Variants in SLC12A9 observed in about 807,000 individuals in gnomAD.
SLC12A9 encodes the protein solute carrier family 12 member 9.
A neutral mutation model predicts 66.0 loss-of-function variants in SLC12A9; 55 were observed. The ratio of observed to expected loss-of-function variants is 0.83; its 90% confidence interval spans 0.67 to 1.04. The LOEUF (loss-of-function observed/expected upper bound fraction) is 1.04. Ranked by LOEUF, SLC12A9 falls within the 50% of genes least tolerant of loss-of-function variation. The pLI is 0.00. For missense variants in SLC12A9, 1,061 were observed against 1,241.9 expected, an observed-to-expected ratio of 0.85 and a Z score of 2.19; for synonymous variants, 577 against 569.0, an observed-to-expected ratio of 1.01 and a Z score of -0.20.
At chr7:100,850,914 A>G (rs1195015384), upstream of SLC12A9, among the ~76,000 whole-genome samples, 2 of 151,896 alleles carry the variant, frequency 1.3e-5, no homozygotes, top group Admixed American at 6.6e-5. Flanking sequence ...GAGATGGGGT[A>G]TCACCATGTT....
rs1455951659 is a variant in SLC12A9, at chr7:100,866,654, T to C, written c.*49T>C. 5.5e-6 allele frequency: 8 copies of C among 1,443,414 alleles called. No homozygotes were observed. Among genetic ancestry groups the C allele is most frequent in the Non-Finnish European group, 7.3e-6 (8 of 1,094,762 alleles). The allele number at this position is 1,443,414 out of a possible 1,614,324, so 89.4% of individuals were successfully genotyped here. On this transcript the variant is annotated 3_prime_UTR_variant, in exon 14 of 14. Coordinates refer to ENST00000354161, the MANE Select transcript of SLC12A9 (RefSeq NM_020246.4). This position sits in a 1 kb window ranked among gnomAD's most constrained non-coding sequence, Gnocchi z 7.3. ...AGAGAGGGCCCAGGCAGGCGGCCTA[T>C]CCTGATCCTTGGAGGAGGAGGAAGA...
At chr7:100,828,451 A>C (rs945276451) in intron 1 of SLC12A9, among the ~76,000 whole-genome samples, 1 of 146,534 alleles carries the variant, frequency 6.8e-6, no homozygotes, top group African/African-American at 2.5e-5. Flanking sequence ...AGGCAGGAGA[A>C]TTGCTTGAAC....
chr7:100,826,959 C>T, exon 1 of SLC12A9: 8 of 1,536,544 alleles, frequency 5.2e-6, no homozygotes, highest in African/African-American at 1.4e-5. Context: ...GGGTGCGCCC[C>T]CCCCCGCAAG....
intron 4 of SLC12A9, 22 bp from the exon 5 acceptor site, chr7:100,856,846 C>G (rs1282918049): frequency 6.4e-7 from 1 of 1,556,706 alleles, no homozygotes; most frequent in Middle Eastern, 1.7e-4. Context: ...GGCCTTCTAA[C>G]TCTGTCCCTA....
At chr7:100,832,398 C>G (rs1465614074) in intron 1 of SLC12A9, among the ~76,000 whole-genome samples, 2 of 151,912 alleles carry the variant, frequency 1.3e-5, no homozygotes, top group African/African-American at 4.8e-5. Flanking sequence ...TATGGTCTCT[C>G]AGACACTGGG....
intron 2 of SLC12A9, 91 bp from the exon 3 acceptor site, chr7:100,854,529 A>G (rs1286802634): frequency 6.3e-7 from 1 of 1,599,056 alleles, no homozygotes; most frequent in African/African-American, 1.3e-5. Context: ...GTGGGCTTGC[A>G]TTTAGCTCCA....
chr7:100,835,254 C>G (rs1297630454), intron 1 of SLC12A9, among the ~76,000 whole-genome samples: 1 of 151,140 alleles, frequency 6.6e-6, no homozygotes, highest in Non-Finnish European at 1.5e-5. Context: ...ACTTGGGAGG[C>G]TGAGGCAGGA....
intron 1 of SLC12A9, among the ~76,000 whole-genome samples, chr7:100,841,905 T>A (rs314329): frequency 0.5 from 76,519 of 151,962 alleles, 19,778 homozygotes; most frequent in East Asian, 0.81. Context: ...CAAAAAGACA[T>A]TTTCTTAAAA....
At chr7:100,857,424 C>T in intron 5 of SLC12A9, 1 of 559,438 alleles carries the variant, frequency 1.8e-6, no homozygotes, top group Non-Finnish European at 3.2e-6. Flanking sequence ...GACATGCATT[C>T]AGGAATCAGT....
At position 100,845,728 on chromosome 7, in the gene SLC12A9, C is replaced by T. The variant is rs540943264; in HGVS notation, n.229-14157C>T. Among the ~76,000 whole-genome samples, 9 of 152,216 alleles carry T rather than the reference C, an allele frequency of 5.9e-5. No individual in the cohort carries two copies. In the South Asian group the frequency reaches 6.2e-4, roughly 11 times the overall value. On this transcript the variant is annotated intron_variant and non_coding_transcript_variant, in intron 1 of 1. Transcript: ENST00000461016. ...CCTAGGCTTCCCTGTCTATGCTTCC[C>T]GTGAAAAGAGAAGCATAGCCATAGG...
chr7:100,830,078 G>A (rs1562978392), intron 1 of SLC12A9, among the ~76,000 whole-genome samples: 2 of 149,614 alleles, frequency 1.3e-5, no homozygotes, highest in South Asian at 2.1e-4. Flanking sequence ...TAGGCTGGGC[G>A]CAGTGGCTCA....
At chr7:100,836,133 GC>G (rs955168947) in intron 1 of SLC12A9, among the ~76,000 whole-genome samples, 25 of 152,318 alleles carry the variant, frequency 1.6e-4, no homozygotes, top group African/African-American at 6.0e-4. Flanking sequence ...CTGCACTGTG[GC>G]CCTTCCCTGA....
chr7:100,863,403 T>C lies in SLC12A9; in HGVS notation c.1858+576T>C, dbSNP rs142241624. On this transcript the variant is annotated intron_variant, in intron 13 of 13. Transcript: ENST00000354161. ...TTTTTCTGATCCAAAAATTGGGGCA[T>C]AGGCACTGAAGAGTGTATTTTTGGA... is the stretch of plus-strand genomic sequence containing the variant. Among the ~76,000 whole-genome samples, 157 of 152,050 alleles carry C rather than the reference T, an allele frequency of 1.0e-3. No individual in the cohort carries two copies. The East Asian group carries it at 0.024, about 23-fold the overall frequency.
intron 13 of SLC12A9, among the ~76,000 whole-genome samples, chr7:100,864,853 C>T (rs1814980793): frequency 6.6e-6 from 1 of 152,170 alleles, no homozygotes; most frequent in South Asian, 2.1e-4. Context: ...CAGGACATAG[C>T]CCCTGGTAAG....
At chr7:100,841,984 AC>A (rs1362838327) in intron 1 of SLC12A9, among the ~76,000 whole-genome samples, 13 of 151,956 alleles carry the variant, frequency 8.6e-5, no homozygotes, top group African/African-American at 3.1e-4. Context: ...CACATGTACC[AC>A]CCCTAGAATT....
chr7:100,842,424 C>G (rs1813808354), intron 1 of SLC12A9, among the ~76,000 whole-genome samples: 1 of 152,168 alleles, frequency 6.6e-6, no homozygotes, highest in South Asian at 2.1e-4. Flanking sequence ...TCTCCTGACT[C>G]TCCTCAGACT....
At chr7:100,852,150 G>A (rs1814109111), upstream of SLC12A9, among the ~76,000 whole-genome samples, 2 of 152,236 alleles carry the variant, frequency 1.3e-5, no homozygotes, top group Non-Finnish European at 2.9e-5. Context: ...AGGCAAGAAA[G>A]CGGGCATCAG....
rs748414142 is a variant in SLC12A9, at chr7:100,860,278, G to T, written c.1218+46G>T. 2.8e-5 allele frequency: 45 copies of T among 1,582,936 alleles called. 1 individual carries two copies. In the Middle Eastern group the frequency reaches 5.0e-4, roughly 18 times the overall value. ...GGCCCTTTCCCTCACCCCACCAGCT[G>T]GCAGGATGGGGGTGCAGTTAGATGC... is the stretch of plus-strand genomic sequence containing the variant. On this transcript the variant is annotated intron_variant, in intron 9 of 13. Coordinates refer to ENST00000354161, the MANE Select transcript of SLC12A9 (RefSeq NM_020246.4).
rs923459745 is a variant in SLC12A9, at chr7:100,861,951, C to T, written c.1711+40C>T. The stretch of plus-strand genomic sequence containing the variant: ...CACTCACTCACTCACTCCCATCCTT[C>T]TCTCCCCCTACCTTTTTTTTTTTTT... On this transcript the variant is annotated intron_variant, in intron 12 of 13. Coordinates refer to ENST00000354161, the MANE Select transcript of SLC12A9 (RefSeq NM_020246.4). The surrounding 1 kb of genome is among the most constrained non-coding windows in gnomAD (Gnocchi z 5.3). The T allele has an allele frequency of 2.7e-6, 4 of 1,503,834 alleles. No homozygotes were observed. In the Admixed American group the frequency reaches 6.8e-5, roughly 26 times the overall value. 93.2% of individuals were successfully genotyped at this position (1,503,834 alleles called of 1,614,324 possible).
Sources: gnomAD v4.1 joint callset for allele counts (sites outside exome capture counted in the v4.1 genomes callset) on GRCh38, gnomAD v4.1.1 for gene constraint, Gnocchi (gnomAD v3.1) non-coding constraint, MANE v1.5 for transcripts, NCBI Gene and HGNC (gene_info 2026-07-23, HGNC 2026-07-21) for gene names.